Variants in TADA2A observed in about 807,000 individuals in gnomAD.
TADA2A encodes the protein transcriptional adaptor 2A.
TADA2A carries 38 observed loss-of-function variants against 67.4 expected under a neutral mutation model. The observed-to-expected ratio is 0.56, with a 90% CI of 0.44 to 0.74. TADA2A has a LOEUF of 0.74. Ranked by LOEUF, TADA2A falls within the 30% of genes least tolerant of loss-of-function variation. The pLI is 0.00. For synonymous variants in TADA2A, 192 were observed against 181.6 expected, an observed-to-expected ratio of 1.06 and a Z score of -0.46; for missense variants, 454 against 547.0, an observed-to-expected ratio of 0.83 and a Z score of 1.70.
At chr17:37,408,380 G>A (rs2051716130) in intron 1 of TADA2A, 1 of 152,276 alleles carries the variant, frequency 6.6e-6, no homozygotes, top group Non-Finnish European at 1.5e-5. Context: ...AGCCTCCCAA[G>A]TAGCTGGATT....
At chr17:37,449,567 C>A (rs945424173) in intron 8 of TADA2A, among the ~76,000 whole-genome samples, 1 of 151,962 alleles carries the variant, frequency 6.6e-6, no homozygotes, top group African/African-American at 2.4e-5. Context: ...AGAGTCATCC[C>A]CAAGTCTGTG....
In TADA2A at chr17:37,418,148, G is replaced by A. The variant is rs376180743; in HGVS notation, c.26-5361G>A. 1.8e-4 allele frequency among the ~76,000 whole-genome samples: 27 copies of A among 152,244 alleles called. No individual in the cohort carries two copies. The East Asian group carries it at 2.5e-3, about 14-fold the overall frequency. ...TTCTCCTCTAGACTTATATACAATT[G>A]CCTGTCTGGAAATTTCAGTGCATAT... On this transcript the variant is annotated intron_variant, in intron 2 of 15. Transcript: ENST00000615182.
chr17:37,473,922 G>C (rs1382281276), intron 14 of TADA2A, among the ~76,000 whole-genome samples: 1 of 152,224 alleles, frequency 6.6e-6, no homozygotes, highest in Non-Finnish European at 1.5e-5. Flanking sequence ...TAATTACCAT[G>C]TTTGCCTTGT....
intron 7 of TADA2A, among the ~76,000 whole-genome samples, chr17:37,444,290 T>C (rs2053011628): frequency 6.6e-6 from 1 of 151,846 alleles, no homozygotes; most frequent in Admixed American, 6.6e-5. Flanking sequence ...GAATTGACTT[T>C]ATTTATTTAT....
intron 14 of TADA2A, among the ~76,000 whole-genome samples, chr17:37,473,316 C>T (rs181428970): frequency 6.6e-6 from 1 of 151,970 alleles, no homozygotes; most frequent in East Asian, 1.9e-4. Context: ...CCTTTCTCAC[C>T]CCTTATATTT....
chr17:37,425,325 T>C (rs1386804842), intron 3 of TADA2A, among the ~76,000 whole-genome samples: 6 of 152,188 alleles, frequency 3.9e-5, no homozygotes, highest in Admixed American at 3.9e-4. Flanking sequence ...TTTTTGTGGG[T>C]GATAATGGTA....
intron 8 of TADA2A, among the ~76,000 whole-genome samples, chr17:37,449,627 T>A (rs1334597228): frequency 6.6e-6 from 1 of 151,644 alleles, no homozygotes; most frequent in Non-Finnish European, 1.5e-5. Context: ...TGATTTTTTT[T>A]TTTTTTTTTT....
At chr17:37,442,494 G>A (rs2052949439) in intron 6 of TADA2A, 70 bp from the exon 7 acceptor site, 2 of 1,100,338 alleles carry the variant, frequency 1.8e-6, no homozygotes, top group South Asian at 1.5e-5. Flanking sequence ...ATTTATTCTT[G>A]GACTATTATG....
At chr17:37,459,445 G>A (rs1164687010) in intron 9 of TADA2A, among the ~76,000 whole-genome samples, 2 of 151,676 alleles carry the variant, frequency 1.3e-5, no homozygotes, top group Non-Finnish European at 2.9e-5. Flanking sequence ...ACCACGCCTG[G>A]CTAATTTTTG....
At chr17:37,426,574 A>G (rs2052411502) in intron 3 of TADA2A, 1 of 155,102 alleles carries the variant, frequency 6.4e-6, no homozygotes, top group Non-Finnish European at 1.4e-5. Context: ...AGGCTGAAGC[A>G]GGAGAATCAA....
intron 6 of TADA2A, among the ~76,000 whole-genome samples, chr17:37,441,825 C>T (rs966025840): frequency 2.0e-5 from 3 of 152,064 alleles, no homozygotes; most frequent in African/African-American, 7.2e-5. Context: ...TGCCACCACA[C>T]CTGGCTAATT....
chr17:37,441,979 T>C (rs780381113), intron 6 of TADA2A, among the ~76,000 whole-genome samples: 75 of 152,256 alleles, frequency 4.9e-4, no homozygotes, highest in Non-Finnish European at 9.1e-4. Flanking sequence ...ACCTCCTATT[T>C]GGATAGCACT....
In TADA2A at chr17:37,427,000, T is replaced by C. The variant is rs372228881; in HGVS notation, c.183T>C (p.Tyr61=). The stretch of plus-strand genomic sequence containing the variant: ...AGAAACATCAAAGCGATCATACTTA[T>C]GAAATAATGGTAATGATGAAGTTGC... ...EYKKHQSDHT[Y]EIMTSDFPVL... is the part of the protein sequence containing the mutation. Residue 61 remains tyrosine (Y), a synonymous_variant, in exon 4 of 16, where the codon TAT becomes TAC. Transcript: ENST00000615182. 1.2e-4 allele frequency: 192 copies of C among 1,588,838 alleles called. No homozygotes were observed. Among genetic ancestry groups the C allele is most frequent in the Non-Finnish European group, 1.4e-4 (165 of 1,167,434 alleles).
At position 37,477,775 on chromosome 17, in the gene TADA2A, CT is replaced by C; in HGVS notation, c.*797del. On this transcript the variant is annotated 3_prime_UTR_variant, in exon 16 of 16. Coordinates refer to ENST00000615182, the MANE Select transcript of TADA2A (RefSeq NM_001166105.3). ...CATCGCGCCCGGCCTAAGCTGACAA[CT>C]TTTATGAGTAAAGGGGAAGAAAATA... 1 of 152,086 alleles carries C rather than the reference CT, an allele frequency of 6.6e-6. No individual in the cohort carries two copies. The highest frequency in any genetic ancestry group is 2.1e-4 in the South Asian group (1 of 4,816). 9.4% of individuals were successfully genotyped at this position (152,086 alleles called of 1,614,324 possible). A position where few individuals can be genotyped will look rare whatever the true frequency, so the allele number is the denominator to read the frequency against.
At chr17:37,412,905 T>G (rs1292132479) in intron 2 of TADA2A, among the ~76,000 whole-genome samples, 1 of 152,116 alleles carries the variant, frequency 6.6e-6, no homozygotes, top group African/African-American at 2.4e-5. Flanking sequence ...GAAAAGTACT[T>G]TTTGGGTGTT....
chr17:37,413,092 A>G (rs1440278093), intron 2 of TADA2A, among the ~76,000 whole-genome samples: 4 of 151,906 alleles, frequency 2.6e-5, no homozygotes, highest in African/African-American at 9.7e-5. Context: ...ACGCCCGGCT[A>G]ATTTTTGTAT....
Position 37,406,965 on chromosome 17 carries a change from G to T in TADA2A, c.-98+16G>T, listed in dbSNP as rs1028589724. On this transcript the variant is annotated intron_variant, in intron 1 of 15. Transcript: ENST00000615182. ...TCTCGGCGAGGTGAGGCGCCAGGCAGCGCTGGGCGGGCGGGCGGGCGGGTG... is the reference window on the plus strand; with the variant it reads ...TCTCGGCGAGGTGAGGCGCCAGGCATCGCTGGGCGGGCGGGCGGGCGGGTG... The T allele has an allele frequency of 1.7e-4, 15 of 87,936 alleles. No homozygotes were observed. The highest frequency in any genetic ancestry group is 6.7e-4 in the African/African-American group (13 of 19,542). The allele number at this position is 87,936 out of a possible 1,614,324, so 5.4% of individuals were successfully genotyped here. A position where few individuals can be genotyped will look rare whatever the true frequency, so the allele number is the denominator to read the frequency against.
intron 4 of TADA2A, among the ~76,000 whole-genome samples, chr17:37,435,817 C>T (rs535736588): frequency 6.6e-5 from 10 of 151,882 alleles, no homozygotes; most frequent in Non-Finnish European, 1.3e-4. Flanking sequence ...TGAGCTCAAG[C>T]AATCCACCCA....
At chr17:37,424,579 G>A (rs761442585) in intron 3 of TADA2A, among the ~76,000 whole-genome samples, 7 of 151,598 alleles carry the variant, frequency 4.6e-5, no homozygotes, top group Admixed American at 6.6e-5. Flanking sequence ...TGTTGAGACG[G>A]GAGTTTCGCT....
Sources: allele counts gnomAD v4.1 joint callset (sites outside exome capture counted in the v4.1 genomes callset), GRCh38; gene constraint gnomAD v4.1.1; transcripts MANE v1.5; gene names NCBI Gene and HGNC (gene_info 2026-07-23, HGNC 2026-07-21).